Variants in NIM1K observed in about 807,000 individuals in gnomAD.
NIM1K encodes serine/threonine-protein kinase NIM1.
A neutral mutation model predicts 37.1 loss-of-function variants in NIM1K; 35 were observed. That is an observed-to-expected ratio of 0.94 (90% CI 0.72 to 1.25). The LOEUF (loss-of-function observed/expected upper bound fraction) is 1.25. NIM1K is among the 50% of genes most tolerant of loss of function. NIM1K has a pLI of 0.00. For missense variants in NIM1K, 564 were observed against 548.0 expected (o/e 1.03, Z -0.29); for synonymous variants, 234 against 206.6 (o/e 1.13, Z -1.14).
intron 2 of NIM1K, among the ~76,000 whole-genome samples, chr5:43,247,824 T>G (rs910925481): frequency 2.6e-5 from 4 of 152,236 alleles, no homozygotes; most frequent in Non-Finnish European, 5.9e-5. Context: ...TGTGTCAGGT[T>G]TCCATGCTAC....
At chr5:43,231,987 C>CT in intron 1 of NIM1K, 1 of 1,003,238 alleles carries the variant, frequency 1.0e-6, no homozygotes, top group Non-Finnish European at 1.5e-6. Flanking sequence ...TCAAGTCAAA[C>CT]TTGTGGTCCA....
rs750633247 is a variant in NIM1K, at chr5:43,280,702, C to T, written c.1284C>T (p.His428=). 1.4e-5 allele frequency: 22 copies of T among 1,600,624 alleles called. No individual in the cohort carries two copies. The highest frequency in any genetic ancestry group is 1.9e-5 in the Non-Finnish European group (22 of 1,176,338). ...KGSRVYRGIR[H]TSKFCSIL ...CCCGTGTCTACAGAGGGATAAGACA[C>T]ACATCCAAATTTTGCTCGATTTTAT... Residue 428 remains histidine (H), a synonymous_variant, in exon 4 of 4, where the codon CAC becomes CAT. Coordinates refer to ENST00000326035, the MANE Select transcript of NIM1K (RefSeq NM_153361.4).
At chr5:43,248,640 C>A (rs556154011) in intron 2 of NIM1K, among the ~76,000 whole-genome samples, 1 of 152,140 alleles carries the variant, frequency 6.6e-6, no homozygotes, top group East Asian at 1.9e-4. Flanking sequence ...GAGACACTTA[C>A]AAGGAATTGG....
rs371278826 is a variant in NIM1K at position 43,241,399 on chromosome 5, G to A, written c.-694-3683G>A. On this transcript the variant is annotated intron_variant, in intron 1 of 3. Transcript: ENST00000326035. ...GGCTGGAGTGCAGTTGTGCTATCTC[G>A]GCACTCGGCACTGGGTTCTCGCCTC... Among the ~76,000 whole-genome samples, 46 of 150,640 alleles carry A rather than the reference G, an allele frequency of 3.1e-4. 1 individual carries two copies. The highest frequency in any genetic ancestry group is 1.5e-3 in the Admixed American group (23 of 15,114).
chr5:43,259,722 C>T (rs899631570), intron 2 of NIM1K, among the ~76,000 whole-genome samples: 9 of 151,928 alleles, frequency 5.9e-5, no homozygotes, highest in Non-Finnish European at 1.3e-4. Context: ...ATATTTTCTC[C>T]CATTCTGTGG....
intron 2 of NIM1K, among the ~76,000 whole-genome samples, chr5:43,257,290 C>T (rs1752960654): frequency 6.7e-6 from 1 of 149,688 alleles, no homozygotes; most frequent in African/African-American, 2.5e-5. Context: ...CTGAGGAGGG[C>T]ATTTTTAGTT....
intron 1 of NIM1K, chr5:43,207,944 T>A: frequency 1.8e-6 from 1 of 547,626 alleles, no homozygotes. Flanking sequence ...CTATTATTTT[T>A]AATTTTAAAA....
chr5:43,199,207 ATATATATATATATAT>A (rs1751982830), intron 1 of NIM1K, among the ~76,000 whole-genome samples: 1 of 67,574 alleles, frequency 1.5e-5, no homozygotes, highest in Non-Finnish European at 2.6e-5. Flanking sequence ...AAAAAAAAAT[ATATATATATATATAT>A]ATATATATAT....
intron 1 of NIM1K, among the ~76,000 whole-genome samples, chr5:43,229,810 T>C (rs1579968188): frequency 6.6e-6 from 1 of 151,350 alleles, no homozygotes; most frequent in South Asian, 2.1e-4. Flanking sequence ...CTAATTTTTG[T>C]ATTTTTAGTA....
chr5:43,232,191 C>A lies in NIM1K; in HGVS notation c.-694-12891C>A, dbSNP rs531674252. The A allele has an allele frequency of 1.5e-5, 15 of 986,178 alleles. No individual in the cohort carries two copies. In the South Asian group the frequency reaches 1.9e-4, roughly 12 times the overall value. The allele number at this position is 986,178 out of a possible 1,614,324, so 61.1% of individuals were successfully genotyped here. A position where few individuals can be genotyped will look rare whatever the true frequency, so the allele number is the denominator to read the frequency against. The stretch of plus-strand genomic sequence containing the variant: ...TTGATGGTGGCAATGGCAGCATTGA[C>A]GTCTTTGAGAACCATGTCACCACGG... On this transcript the variant is annotated intron_variant, in intron 1 of 3. Transcript: ENST00000326035.
intron 3 of NIM1K, among the ~76,000 whole-genome samples, chr5:43,277,813 T>TGA (rs1213115540): frequency 2.2e-4 from 31 of 144,006 alleles, no homozygotes; most frequent in South Asian, 1.6e-3. Flanking sequence ...TGTGTGTGTG[T>TGA]GTGAGAGAGA....
At chr5:43,255,754 A>AGAAAG (rs1554016084) in intron 2 of NIM1K, among the ~76,000 whole-genome samples, 1 of 131,808 alleles carries the variant, frequency 7.6e-6, no homozygotes, top group African/African-American at 2.8e-5. Context: ...TCTCAAAAAA[A>AGAAAG]AAAGAAAGAA....
At position 43,280,415 on chromosome 5, in the gene NIM1K, C is replaced by T. The variant is rs866026698; in HGVS notation, c.997C>T (p.Pro333Ser). ...GATGCAAGGGGTGCCATACCCTACA[C>T]CTTTGGAACCTTTCCAACTGGATCC... ...EWMQGVPYPT[P>S]LEPFQLDPKH... is the part of the protein sequence containing the mutation. The change falls in exon 4 of 4, where the codon CCT becomes TCT. Residue 333 changes from proline (P) to serine (S), a missense_variant. Coordinates refer to ENST00000326035, the MANE Select transcript of NIM1K (RefSeq NM_153361.4). The T allele has an allele frequency of 7.4e-6, 12 of 1,614,066 alleles. No homozygotes were observed. Among genetic ancestry groups the T allele is most frequent in the African/African-American group, 1.3e-5 (1 of 74,908 alleles).
chr5:43,234,854 C>G lies in NIM1K; in HGVS notation c.-694-10228C>G, dbSNP rs1191464330. On this transcript the variant is annotated intron_variant, in intron 1 of 3. Transcript: ENST00000326035. The stretch of plus-strand genomic sequence containing the variant: ...TTCACCATATTGGCCAGGCTGGTCT[C>G]AAACTCCTGACCTCACATGATCTGC... Among the ~76,000 whole-genome samples, 3 of 152,086 alleles carry G rather than the reference C, an allele frequency of 2.0e-5. No individual in the cohort carries two copies. In the East Asian group the frequency reaches 5.8e-4, roughly 30 times the overall value.
intron 1 of NIM1K, among the ~76,000 whole-genome samples, chr5:43,235,492 C>T (rs1256264266): frequency 6.6e-6 from 1 of 152,222 alleles, no homozygotes; most frequent in East Asian, 1.9e-4. Flanking sequence ...GCTCCCACCT[C>T]ATCTGCTGCA....
At chr5:43,262,301 G>A (rs1294591163) in intron 2 of NIM1K, among the ~76,000 whole-genome samples, 1 of 152,122 alleles carries the variant, frequency 6.6e-6, no homozygotes, top group African/African-American at 2.4e-5. Context: ...GTGCTTTGTA[G>A]TTCTCCTTGA....
intron 2 of NIM1K, among the ~76,000 whole-genome samples, chr5:43,275,393 T>G (rs996941767): frequency 1.1e-4 from 17 of 152,206 alleles, no homozygotes; most frequent in Admixed American, 6.5e-4. Flanking sequence ...CATGCATCCT[T>G]GTACATGCAT....
rs1752769247 is a variant in NIM1K at position 43,245,780 on chromosome 5, CTGCAGTGTATATGAA to C, written c.8_22del (p.Ala3_Asn7del). 3.8e-6 allele frequency: 6 copies of C among 1,594,654 alleles called. No individual in the cohort carries two copies. The highest frequency in any genetic ancestry group is 5.1e-6 in the Non-Finnish European group (6 of 1,168,042). The stretch of plus-strand genomic sequence containing the variant: ...AGACGTGAGCCCCCGTGGACGATGA[CTGCAGTGTATATGAA>C]TGGAGGTGGCCTGGTGAACCCCCAC... On this transcript the variant is annotated inframe_deletion, in exon 2 of 4. Coordinates refer to ENST00000326035, the MANE Select transcript of NIM1K (RefSeq NM_153361.4).
chr5:43,202,563 G>A (rs1368877710), intron 1 of NIM1K, among the ~76,000 whole-genome samples: 2 of 152,178 alleles, frequency 1.3e-5, no homozygotes, highest in Admixed American at 6.5e-5. Context: ...GTGTGCTTGG[G>A]TAATCAAGGG....
Sources: gnomAD v4.1 joint callset for allele counts (sites outside exome capture counted in the v4.1 genomes callset) on GRCh38, gnomAD v4.1.1 for gene constraint, MANE v1.5 for transcripts, NCBI Gene and HGNC (gene_info 2026-07-23, HGNC 2026-07-21) for gene names.